The following HIF1A variants were observed in gnomAD, a reference collection of about 807,000 sequenced individuals.
HIF1A encodes hypoxia-inducible factor 1-alpha.
In HIF1A, 24 loss-of-function variants were observed where a neutral mutation model predicts 92.7. That is an observed-to-expected ratio of 0.26 (90% CI 0.19 to 0.36). The LOEUF is 0.36. Ranked by LOEUF, HIF1A falls within the 10% of genes least tolerant of loss-of-function variation. HIF1A has a pLI of 1.00. For synonymous variants in HIF1A, 319 were observed against 338.7 expected (o/e 0.94, Z 0.64); for missense variants, 799 against 998.5 (o/e 0.80, Z 2.69).
At chr14:61,703,137 C>A (rs182074267) in intron 1 of HIF1A, among the ~76,000 whole-genome samples, 1 of 152,108 alleles carries the variant, frequency 6.6e-6, no homozygotes, top group Non-Finnish European at 1.5e-5. Context: ...CCACCATGCC[C>A]GGCCTCATGG....
In HIF1A at chr14:61,727,660, A is replaced by G. The variant is rs1432456638; in HGVS notation, c.773+5A>G. On this transcript the variant is annotated splice_donor_5th_base_variant and intron_variant, in intron 6 of 14. Coordinates refer to ENST00000337138, the MANE Select transcript of HIF1A (RefSeq NM_001530.4). ...ATTTTCTTATTGTGATGAAAGGTAAATTAGATCTAAAATGTGAATTTGAAA... is the reference window on the plus strand; with the variant it reads ...ATTTTCTTATTGTGATGAAAGGTAAGTTAGATCTAAAATGTGAATTTGAAA... 4.4e-6 allele frequency: 7 copies of G among 1,588,146 alleles called. No homozygotes were observed. Among genetic ancestry groups the G allele is most frequent in the Non-Finnish European group, 6.1e-6 (7 of 1,156,764 alleles).
rs370222019 is a variant in HIF1A at position 61,720,939 on chromosome 14, T to C, written c.226+367T>C. 3.5e-4 allele frequency among the ~76,000 whole-genome samples: 53 copies of C among 152,232 alleles called. No individual in the cohort carries two copies. The East Asian group carries it at 6.0e-3, about 17-fold the overall frequency. On this transcript the variant is annotated intron_variant, in intron 2 of 14. Coordinates refer to ENST00000337138, the MANE Select transcript of HIF1A (RefSeq NM_001530.4). ...TTTCTCCTGTTCCATCTACCTTTCT[T>C]CCTTTAAAAAACATGACTCAGGCCG...
At position 61,695,785 on chromosome 14, in the gene HIF1A, A is replaced by T; in HGVS notation, c.-20A>T. On this transcript the variant is annotated 5_prime_UTR_variant, in exon 1 of 15. Coordinates refer to ENST00000337138, the MANE Select transcript of HIF1A (RefSeq NM_001530.4). Reference sequence around the variant, plus strand: ...CCTGGGGGCCGCCCGCCGTGAAGACATCGCGGGGACCGATTCACCATGGAG... The same window carrying T: ...CCTGGGGGCCGCCCGCCGTGAAGACTTCGCGGGGACCGATTCACCATGGAG... 5.6e-6 allele frequency: 9 copies of T among 1,594,908 alleles called. No homozygotes were observed. The highest frequency in any genetic ancestry group is 7.7e-6 in the Non-Finnish European group (9 of 1,172,486).
intron 8 of HIF1A, among the ~76,000 whole-genome samples, chr14:61,736,483 CT>C (rs1214814428): frequency 6.6e-6 from 1 of 152,094 alleles, no homozygotes; most frequent in African/African-American, 2.4e-5. Flanking sequence ...ACCCTTGCCC[CT>C]CTCCCCTAGT....
At chr14:61,746,148 C>T (rs368878677) in intron 14 of HIF1A, among the ~76,000 whole-genome samples, 14 of 149,184 alleles carry the variant, frequency 9.4e-5, no homozygotes, top group Admixed American at 2.7e-4. Context: ...TGCTTGAACC[C>T]GGAAGGCAGA....
In HIF1A at chr14:61,734,128, T is replaced by C. The variant is rs767002474; in HGVS notation, c.881-10T>C. 5.9e-6 allele frequency: 9 copies of C among 1,512,778 alleles called. No homozygotes were observed. The highest frequency in any genetic ancestry group is 2.8e-5 in the African/African-American group (2 of 70,828). The allele number at this position is 1,512,778 out of a possible 1,614,324, so 93.7% of individuals were successfully genotyped here. ...TTTCTCTGCATGATTCTTTTTCTTT[T>C]CCCCCCTAGTGTTTACTAAAGGACA... On this transcript the variant is annotated splice_polypyrimidine_tract_variant and intron_variant, in intron 7 of 14. Coordinates refer to ENST00000337138, the MANE Select transcript of HIF1A (RefSeq NM_001530.4).
chr14:61,695,740 A>G lies in HIF1A; in HGVS notation c.-65A>G. 1 of 1,537,566 alleles carries G rather than the reference A, an allele frequency of 6.5e-7. No homozygotes were observed. Among genetic ancestry groups the G allele is most frequent in the South Asian group, 1.2e-5 (1 of 84,178 alleles). ...CTCTTCTCCGCGTGTGGAGGGAGCCAGCGCTTAGGCCGGAGCGAGCCTGGG... is the reference window on the plus strand; with the variant it reads ...CTCTTCTCCGCGTGTGGAGGGAGCCGGCGCTTAGGCCGGAGCGAGCCTGGG... On this transcript the variant is annotated 5_prime_UTR_variant, in exon 1 of 15. Coordinates refer to ENST00000337138, the MANE Select transcript of HIF1A (RefSeq NM_001530.4).
intron 4 of HIF1A, among the ~76,000 whole-genome samples, chr14:61,725,464 G>T (rs1230581178): frequency 1.3e-5 from 2 of 151,810 alleles, no homozygotes; most frequent in African/African-American, 4.8e-5. Context: ...ACCCAGGCTG[G>T]AGTGCAGTGG....
At position 61,726,265 on chromosome 14, in the gene HIF1A, G is replaced by A. The variant is rs908858518; in HGVS notation, c.458-441G>A. On this transcript the variant is annotated intron_variant, in intron 4 of 14. Coordinates refer to ENST00000337138, the MANE Select transcript of HIF1A (RefSeq NM_001530.4). ...TAAAAATGTTATTTGTTATTAAAAA[G>A]AAAGTTGTTATTTTAAAGGTTCTAT... Among the ~76,000 whole-genome samples, 5 of 152,188 alleles carry A rather than the reference G, an allele frequency of 3.3e-5. No individual in the cohort carries two copies. The South Asian group carries it at 8.3e-4, about 25-fold the overall frequency.
chr14:61,744,860 CG>C, intron 13 of HIF1A, 47 bp downstream of exon 13: 2 of 530,560 alleles, frequency 3.8e-6, no homozygotes, highest in African/African-American at 2.0e-5. Flanking sequence ...TGTGCTATTT[CG>C]TGTGTGTGTG....
At chr14:61,712,237 G>C (rs991951712) in intron 1 of HIF1A, among the ~76,000 whole-genome samples, 1 of 152,110 alleles carries the variant, frequency 6.6e-6, no homozygotes. Flanking sequence ...CAGTAGTCCA[G>C]GCAAGGGGAA....
intron 1 of HIF1A, among the ~76,000 whole-genome samples, chr14:61,705,719 G>GT (rs1207676339): frequency 6.6e-6 from 1 of 152,154 alleles, no homozygotes; most frequent in Non-Finnish European, 1.5e-5. Context: ...CACTAATAGT[G>GT]TTACCTAACC....
chr14:61,714,737 A>G (rs1287857017), intron 1 of HIF1A, among the ~76,000 whole-genome samples: 1 of 152,198 alleles, frequency 6.6e-6, no homozygotes, highest in Non-Finnish European at 1.5e-5. Flanking sequence ...AAATGAGTAC[A>G]AACAACAAGG....
At chr14:61,711,149 ACTC>A (rs1404061960) in intron 1 of HIF1A, among the ~76,000 whole-genome samples, 2 of 151,170 alleles carry the variant, frequency 1.3e-5, no homozygotes, top group Non-Finnish European at 2.9e-5. Context: ...AAGTTAGTAA[ACTC>A]CTGTTTCTGC....
At chr14:61,709,311 C>G (rs1361889889) in intron 1 of HIF1A, among the ~76,000 whole-genome samples, 1 of 152,144 alleles carries the variant, frequency 6.6e-6, no homozygotes, top group Non-Finnish European at 1.5e-5. Flanking sequence ...AAACAAAAAG[C>G]ACATTCTTCT....
chr14:61,729,007 A>G (rs540390357), intron 6 of HIF1A, among the ~76,000 whole-genome samples: 18 of 152,202 alleles, frequency 1.2e-4, no homozygotes, highest in Non-Finnish European at 2.4e-4. Flanking sequence ...ACACAATACA[A>G]TCTAAACTTA....
In HIF1A at chr14:61,700,183, T is replaced by G. The variant is rs73327405; in HGVS notation, c.35+4344T>G. Among the ~76,000 whole-genome samples, 777 of 152,246 alleles carry G rather than the reference T, an allele frequency of 5.1e-3. 6 individuals carry two copies. Among genetic ancestry groups the G allele is most frequent in the African/African-American group, 0.018 (729 of 41,544 alleles). ...TAGTTCAAAAACATTAACCTAAAAT[T>G]TACCATCTTAACCATTTCTAAGTAC... is the stretch of plus-strand genomic sequence containing the variant. On this transcript the variant is annotated intron_variant, in intron 1 of 14. Transcript: ENST00000337138.
At chr14:61,711,670 A>ACTGCTGGCT (rs1555337380) in intron 1 of HIF1A, among the ~76,000 whole-genome samples, 3 of 152,226 alleles carry the variant, frequency 2.0e-5, no homozygotes, top group African/African-American at 4.8e-5. Flanking sequence ...GGAAGATGAC[A>ACTGCTGGCT]CTGCTGGCTC....
chr14:61,744,859 TCGTG>T (rs778649937), intron 13 of HIF1A, 46 bp downstream of exon 13: 11 of 755,762 alleles, frequency 1.5e-5, no homozygotes, highest in African/African-American at 5.1e-5. Flanking sequence ...ATGTGCTATT[TCGTG>T]TGTGTGTGTG....
Sources: allele counts gnomAD v4.1 joint callset (sites outside exome capture counted in the v4.1 genomes callset), GRCh38; gene constraint gnomAD v4.1.1; transcripts MANE v1.5; gene names NCBI Gene and HGNC (gene_info 2026-07-23, HGNC 2026-07-21).